Variants in MAGI2 observed in about 807,000 individuals in gnomAD.
MAGI2 encodes the protein membrane-associated guanylate kinase, WW and PDZ domain-containing protein 2.
In MAGI2, 35 loss-of-function variants were observed where a neutral mutation model predicts 133.3. The ratio of observed to expected loss-of-function variants is 0.26; its 90% CI spans 0.20 to 0.35. The LOEUF (loss-of-function observed/expected upper bound fraction) is 0.35, where lower values mean the gene tolerates loss of function less well. MAGI2 is among the 10% of genes least tolerant of loss of function. MAGI2 has a pLI of 1.00. For synonymous variants in MAGI2, 729 were observed against 710.6 expected (o/e 1.03, Z -0.41); for missense variants, 1,636 against 1,863.4 (o/e 0.88, Z 2.25).
intron 4 of MAGI2, among the ~76,000 whole-genome samples, chr7:78,507,445 C>T (rs887764654): frequency 6.6e-6 from 1 of 152,078 alleles, no homozygotes; most frequent in Non-Finnish European, 1.5e-5. Flanking sequence ...CCAAGAAGGT[C>T]CAGGTTCATC....
chr7:79,141,904 T>C (rs1027460325), intron 1 of MAGI2, among the ~76,000 whole-genome samples: 2 of 152,198 alleles, frequency 1.3e-5, no homozygotes, highest in Admixed American at 6.5e-5. Context: ...TTCTGGGTTT[T>C]AATGCATAAT....
chr7:78,880,839 A>T (rs1024044403), intron 2 of MAGI2, among the ~76,000 whole-genome samples: 2 of 152,192 alleles, frequency 1.3e-5, no homozygotes. Context: ...CATTTCTCAC[A>T]TAATGACACC....
chr7:78,983,678 C>A (rs1252104022), intron 2 of MAGI2, among the ~76,000 whole-genome samples: 1 of 151,944 alleles, frequency 6.6e-6, no homozygotes, highest in Non-Finnish European at 1.5e-5. Context: ...CAGTTCCCAT[C>A]ATTTTTTGAC....
chr7:78,462,242 G>GA (rs1301237481), intron 6 of MAGI2, among the ~76,000 whole-genome samples: 17 of 152,058 alleles, frequency 1.1e-4, no homozygotes, highest in Admixed American at 2.6e-4. Flanking sequence ...AAAATTCCAG[G>GA]AAAAAGACAA....
chr7:79,430,458 T>C (rs1234448812), intron 1 of MAGI2, among the ~76,000 whole-genome samples: 1 of 152,218 alleles, frequency 6.6e-6, no homozygotes, highest in Non-Finnish European at 1.5e-5. Context: ...GTGTACTTAG[T>C]AATAGAGAAA....
intron 1 of MAGI2, among the ~76,000 whole-genome samples, chr7:79,037,839 T>A (rs1811263013): frequency 6.6e-6 from 1 of 152,206 alleles, no homozygotes; most frequent in Non-Finnish European, 1.5e-5. Flanking sequence ...ATTCTTAAAC[T>A]GGAAAATTTT....
At chr7:78,739,279 C>G (rs1055453865) in intron 2 of MAGI2, among the ~76,000 whole-genome samples, 1 of 152,116 alleles carries the variant, frequency 6.6e-6, no homozygotes, top group African/African-American at 2.4e-5. Flanking sequence ...GGCCAAAGGT[C>G]GTCAAACACC....
chr7:78,611,643 G>A (rs892775510), intron 3 of MAGI2, among the ~76,000 whole-genome samples: 3 of 152,138 alleles, frequency 2.0e-5, no homozygotes, highest in African/African-American at 7.2e-5. Flanking sequence ...ACAGTGGTAT[G>A]GCTTAGTTGA....
At chr7:78,268,521 T>C (rs1794238586) in intron 9 of MAGI2, among the ~76,000 whole-genome samples, 1 of 152,172 alleles carries the variant, frequency 6.6e-6, no homozygotes, top group Non-Finnish European at 1.5e-5. Context: ...CCCCATTACA[T>C]AGAAGAGGCA....
intron 10 of MAGI2, among the ~76,000 whole-genome samples, chr7:78,230,699 A>G (rs745899997): frequency 3.9e-5 from 6 of 152,180 alleles, no homozygotes; most frequent in Non-Finnish European, 8.8e-5. Flanking sequence ...AAAAAGAGAA[A>G]CAATTGGAAG....
In MAGI2 at chr7:78,227,801, C is replaced by T. The variant is rs369140219; in HGVS notation, c.2048-26608G>A. 1.1e-4 allele frequency among the ~76,000 whole-genome samples: 16 copies of T among 151,648 alleles called. No homozygotes were observed. The East Asian group carries it at 1.4e-3, about 13-fold the overall frequency. On this transcript the variant is annotated intron_variant, in intron 10 of 21. Coordinates refer to ENST00000354212, the MANE Select transcript of MAGI2 (RefSeq NM_012301.4). ...CATTTGTCACTCTTGTCTTCTCTGT[C>T]ACCTGAGGAAGTTGTGTCATAGAAA... is the stretch of plus-strand genomic sequence containing the variant.
intron 1 of MAGI2, among the ~76,000 whole-genome samples, chr7:79,051,849 T>C (rs1448324046): frequency 6.6e-6 from 1 of 152,158 alleles, no homozygotes; most frequent in African/African-American, 2.4e-5. Flanking sequence ...TATTTAAATA[T>C]TTGTTAATTT....
chr7:79,050,888 G>A (rs1047731269), intron 1 of MAGI2, among the ~76,000 whole-genome samples: 5 of 114,520 alleles, frequency 4.4e-5, no homozygotes, highest in Non-Finnish European at 6.5e-5. Flanking sequence ...AAGCTGCCCT[G>A]GCACTCACAT....
chr7:78,811,977 C>A (rs558517674), intron 2 of MAGI2, among the ~76,000 whole-genome samples: 1 of 152,180 alleles, frequency 6.6e-6, no homozygotes, highest in Non-Finnish European at 1.5e-5. Flanking sequence ...ACCTGAGAAC[C>A]TGTCCTGGCT....
chr7:78,573,265 T>TATATATATATATAA lies in MAGI2; in HGVS notation c.539-51621_539-51620insTTATATATATATAT, dbSNP rs1563188599. Among the ~76,000 whole-genome samples, 17 of 21,396 alleles carry TATATATATATATAA rather than the reference T, an allele frequency of 7.9e-4. 1 individual carries two copies. The highest frequency in any genetic ancestry group is 1.5e-3 in the African/African-American group (10 of 6,624). 14.0% of individuals were successfully genotyped at this position (21,396 alleles called of 152,430 possible). A position where few individuals can be genotyped will look rare whatever the true frequency, so the allele number is the denominator to read the frequency against. ...ATATATAAATATATATAAATATAAA[T>TATATATATATATAA]ATATATAAATATATATATTTATATA... On this transcript the variant is annotated intron_variant, in intron 3 of 21. Transcript: ENST00000354212.
At chr7:78,075,681 A>G (rs1815214548) in intron 21 of MAGI2, among the ~76,000 whole-genome samples, 1 of 152,098 alleles carries the variant, frequency 6.6e-6, no homozygotes, top group Non-Finnish European at 1.5e-5. Flanking sequence ...TGCTGATGTA[A>G]TAAATCTTAG....
chr7:78,240,604 A>G (rs902304043), intron 10 of MAGI2, among the ~76,000 whole-genome samples: 5 of 152,180 alleles, frequency 3.3e-5, no homozygotes, highest in Non-Finnish European at 7.3e-5. Flanking sequence ...ATAGAAGTAG[A>G]AAGTAGAATG....
intron 6 of MAGI2, among the ~76,000 whole-genome samples, chr7:78,390,770 C>T (rs531257278): frequency 1.3e-5 from 2 of 152,244 alleles, no homozygotes; most frequent in South Asian, 2.1e-4. Context: ...CTTCCTGCCT[C>T]ACCTCAGTTA....
chr7:78,226,374 G>A (rs1388439650), intron 10 of MAGI2, among the ~76,000 whole-genome samples: 1 of 150,946 alleles, frequency 6.6e-6, no homozygotes, highest in African/African-American at 2.4e-5. Flanking sequence ...TGAGGCTTTG[G>A]CATGATAGGC....
Sources: allele counts gnomAD v4.1 joint callset (sites outside exome capture counted in the v4.1 genomes callset), GRCh38; gene constraint gnomAD v4.1.1; transcripts MANE v1.5; gene names NCBI Gene and HGNC (gene_info 2026-07-23, HGNC 2026-07-21).